The following SEPTIN12 variants were observed in gnomAD, a reference collection of about 807,000 sequenced individuals.
SEPTIN12 encodes the protein septin-12.
Under a neutral mutation model 37.7 loss-of-function variants are expected in SEPTIN12, and 42 were observed. The observed-to-expected ratio is 1.11, with a 90% CI of 0.87 to 1.44. The LOEUF (loss-of-function observed/expected upper bound fraction) is 1.44. SEPTIN12 is among the 40% of genes most tolerant of loss of function. SEPTIN12 has a pLI of 0.00. For synonymous variants in SEPTIN12, 254 were observed against 196.7 expected, an observed-to-expected ratio of 1.29 and a Z score of -2.44; for missense variants, 613 against 479.2, an observed-to-expected ratio of 1.28 and a Z score of -2.61.
chr16:4,784,155 C>T (rs1488530364), intron 4 of SEPTIN12, 87 bp from the exon 5 acceptor site: 8 of 1,524,196 alleles, frequency 5.2e-6, no homozygotes, highest in Non-Finnish European at 6.3e-6. Context: ...GGGCGGTCCT[C>T]CCTTGGGACG....
Position 4,778,151 on chromosome 16 carries a change from G to C in SEPTIN12, c.824-14C>G, listed in dbSNP as rs373929405. The C allele has an allele frequency of 3.1e-6, 5 of 1,613,916 alleles. No homozygotes were observed. Among genetic ancestry groups the C allele is most frequent in the Non-Finnish European group, 4.2e-6 (5 of 1,179,898 alleles). ...CCATGTTCTCCACTGCAAGACATGGGACTCAGTATGGGCGCTGCTTAGTGA... is the reference window on the plus strand; with the variant it reads ...CCATGTTCTCCACTGCAAGACATGGCACTCAGTATGGGCGCTGCTTAGTGA... On this transcript the variant is annotated splice_polypyrimidine_tract_variant and intron_variant, in intron 8 of 9. Coordinates refer to ENST00000268231, the MANE Select transcript of SEPTIN12 (RefSeq NM_144605.5).
chr16:4,788,985 C>A (rs1007062752), upstream of SEPTIN12, among the ~76,000 whole-genome samples: 12 of 152,194 alleles, frequency 7.9e-5, no homozygotes, highest in Non-Finnish European at 1.5e-4. Context: ...GTGGTCCTCA[C>A]CCCTGCCTTA....
At chr16:4,786,236 C>T in intron 2 of SEPTIN12, 131 bp from the exon 3 acceptor site, 1 of 1,207,480 alleles carries the variant, frequency 8.3e-7, no homozygotes, top group Non-Finnish European at 1.1e-6. Flanking sequence ...TGCAATGATG[C>T]AATCCCCGTT....
At chr16:4,783,326 G>C (rs957017237) in intron 7 of SEPTIN12, 136 bp downstream of exon 7, 7 of 724,508 alleles carry the variant, frequency 9.7e-6, no homozygotes, top group Non-Finnish European at 1.7e-5. Context: ...CCTTGAGCTT[G>C]TGGATGAGTA....
intron 4 of SEPTIN12, 57 bp from the exon 5 acceptor site, chr16:4,784,125 C>G: frequency 6.2e-7 from 1 of 1,602,350 alleles, no homozygotes. Flanking sequence ...AGAGCCCCAC[C>G]CCTCTCCTCT....
Position 4,786,066 on chromosome 16 carries a change from A to G in SEPTIN12, c.206T>C (p.Leu69Pro), listed in dbSNP as rs776781028. 21 of 1,613,890 alleles carry G rather than the reference A, an allele frequency of 1.3e-5. No individual in the cohort carries two copies. Among genetic ancestry groups the G allele is most frequent in the East Asian group, 2.2e-5 (1 of 44,876 alleles). Residue 69 changes from leucine (L) to proline (P), a missense_variant, in exon 3 of 10, where the codon CTG becomes CCG. Transcript: ENST00000268231. Reference protein sequence around the residue: ...GLGKSTMVNTLFKSKVWKSNP... With the variant: ...GLGKSTMVNTPFKSKVWKSNP... ...TGACTTCCACACTTTGGACTTGAACAGCGTGTTCACCATCGTGGACTTGCC... is the reference window on the plus strand; with the variant it reads ...TGACTTCCACACTTTGGACTTGAACGGCGTGTTCACCATCGTGGACTTGCC...
At chr16:4,783,590 C>A (rs373503333) in intron 6 of SEPTIN12, 33 bp from the exon 7 acceptor site, 63 of 1,611,854 alleles carry the variant, frequency 3.9e-5, no homozygotes, top group Non-Finnish European at 5.2e-5. Context: ...CTCAGCCCAC[C>A]CTGCCCACTC....
upstream of SEPTIN12, chr16:4,789,909 CTTTCTTTTTTTTT>C (rs929334105): frequency 7.6e-6 from 1 of 132,442 alleles, no homozygotes. Flanking sequence ...CCTTTCTTTT[CTTTCTTTTTTTTT>C]TTTCTTTTTT....
intron 4 of SEPTIN12, 159 bp downstream of exon 4, chr16:4,785,648 G>C (rs1049829763): frequency 1.7e-6 from 1 of 600,984 alleles, no homozygotes; most frequent in African/African-American, 1.9e-5. Flanking sequence ...GTGGTGGCGG[G>C]CGCCTGTAAT....
intron 7 of SEPTIN12, among the ~76,000 whole-genome samples, chr16:4,780,765 G>C (rs2082363657): frequency 6.6e-6 from 1 of 152,112 alleles, no homozygotes; most frequent in Admixed American, 6.6e-5. Context: ...GATCACCTGA[G>C]GTCAGGACTT....
chr16:4,791,440 A>T (rs578194182), upstream of SEPTIN12, among the ~76,000 whole-genome samples: 1 of 152,294 alleles, frequency 6.6e-6, no homozygotes, highest in South Asian at 2.1e-4. Context: ...CGGCTCTGAC[A>T]TCGATGATCA....
At chr16:4,790,947 C>T (rs1367038764), upstream of SEPTIN12, among the ~76,000 whole-genome samples, 2 of 152,248 alleles carry the variant, frequency 1.3e-5, no homozygotes, top group Non-Finnish European at 2.9e-5. Context: ...CACAATTCCA[C>T]AGCCCTTGAG....
At chr16:4,791,048 G>A (rs555563959), upstream of SEPTIN12, among the ~76,000 whole-genome samples, 6 of 152,338 alleles carry the variant, frequency 3.9e-5, no homozygotes, top group Admixed American at 6.5e-5. Flanking sequence ...TGTGGACTGC[G>A]TTTGAGCAGT....
intron 8 of SEPTIN12, among the ~76,000 whole-genome samples, chr16:4,778,607 C>G (rs1464451944): frequency 6.6e-6 from 1 of 151,184 alleles, no homozygotes; most frequent in Non-Finnish European, 1.5e-5. Flanking sequence ...TTGAGACCAG[C>G]CTGGACGACA....
In SEPTIN12 at chr16:4,783,976, G is replaced by A. The variant is rs750991577; in HGVS notation, c.467C>T (p.Thr156Ile). 2 of 1,614,194 alleles carry A rather than the reference G, an allele frequency of 1.2e-6. No homozygotes were observed. The highest frequency in any genetic ancestry group is 1.7e-5 in the Admixed American group (1 of 60,024). Residue 156 changes from threonine (T) to isoleucine (I), a missense_variant, in exon 5 of 10, where the codon ACC becomes ATC. Transcript: ENST00000268231. Reference protein sequence around the residue: ...LITRQRHIPDTRVHCCVYFVP... With the variant: ...LITRQRHIPDIRVHCCVYFVP... ...AAAGTACACGCAGCAGTGCACCCGG[G>A]TGTCTGGGATGTGGCGCTGGCGGGT...
intron 7 of SEPTIN12, among the ~76,000 whole-genome samples, chr16:4,782,346 T>C (rs115693900): frequency 6.6e-6 from 1 of 152,200 alleles, no homozygotes; most frequent in African/African-American, 2.4e-5. Flanking sequence ...TCCCCACTCA[T>C]CTGTTGATGC....
At chr16:4,789,429 C>T (rs890860073), upstream of SEPTIN12, among the ~76,000 whole-genome samples, 2 of 151,932 alleles carry the variant, frequency 1.3e-5, no homozygotes, top group Admixed American at 6.6e-5. Context: ...GGGTTCACGC[C>T]GCTCTCCTGC....
rs1271105158 is a variant in SEPTIN12, at chr16:4,783,995, G to T, written c.448C>A (p.Gln150Lys). 2 of 1,614,078 alleles carry T rather than the reference G, an allele frequency of 1.2e-6. No individual in the cohort carries two copies. The highest frequency in any genetic ancestry group is 2.7e-5 in the African/African-American group (2 of 74,932). The change falls in exon 5 of 10, where the codon CAG (glutamine) becomes AAG (lysine). Residue 150 changes from glutamine (Q) to lysine (K), a missense_variant. Coordinates refer to ENST00000268231, the MANE Select transcript of SEPTIN12 (RefSeq NM_144605.5). ...YLQEEILITRQRHIPDTRVHC... is the reference protein window; with the variant it reads ...YLQEEILITRKRHIPDTRVHC... ...ACCCGGGTGTCTGGGATGTGGCGCT[G>T]GCGGGTGATGAGGATCTCCTCCTGC...
Position 4,777,769 on chromosome 16 carries a change from G to A in SEPTIN12, c.*28C>T, listed in dbSNP as rs760173061. ...TTGAGAGCCGCTGGGGACTCAGGAAGCCCAGCAGCCCCGGGATCCGCCGGT... is the reference window on the plus strand; with the variant it reads ...TTGAGAGCCGCTGGGGACTCAGGAAACCCAGCAGCCCCGGGATCCGCCGGT... On this transcript the variant is annotated 3_prime_UTR_variant, in exon 10 of 10. Transcript: ENST00000268231. 1.4e-5 allele frequency: 20 copies of A among 1,459,152 alleles called. 1 individual carries two copies. Among genetic ancestry groups the A allele is most frequent in the Non-Finnish European group, 1.8e-5 (20 of 1,093,316 alleles). 90.4% of individuals were successfully genotyped at this position (1,459,152 alleles called of 1,614,324 possible). A position where few individuals can be genotyped will look rare whatever the true frequency, so the allele number is the denominator to read the frequency against.
Sources: allele counts gnomAD v4.1 joint callset (sites outside exome capture counted in the v4.1 genomes callset), GRCh38; gene constraint gnomAD v4.1.1; transcripts MANE v1.5; gene names NCBI Gene and HGNC (gene_info 2026-07-23, HGNC 2026-07-21).